The following TOX variants were observed in gnomAD, a reference collection of about 807,000 sequenced individuals.
The protein encoded by TOX is thymocyte selection associated high mobility group box.
Under a neutral mutation model 53.7 loss-of-function variants are expected in TOX, and 11 were observed. That is an observed-to-expected ratio of 0.20 (90% CI 0.13 to 0.34). The LOEUF is 0.34. Ranked by LOEUF, TOX falls within the 10% of genes least tolerant of loss-of-function variation. The probability of loss-of-function intolerance (pLI) is 1.00; values close to 1 mark genes in which losing one functional copy is unlikely to be tolerated. For missense variants in TOX, 570 were observed against 664.6 expected, an observed-to-expected ratio of 0.86 and a Z score of 1.56; for synonymous variants, 225 against 245.3, an observed-to-expected ratio of 0.92 and a Z score of 0.77.
At chr8:58,990,736 G>A (rs147257315) in intron 1 of TOX, among the ~76,000 whole-genome samples, 1 of 152,294 alleles carries the variant, frequency 6.6e-6, no homozygotes, top group African/African-American at 2.4e-5. Flanking sequence ...AGGAATCTCT[G>A]TGCTGGTCAG....
At chr8:58,880,679 T>A (rs371617632) in intron 3 of TOX, among the ~76,000 whole-genome samples, 1 of 151,878 alleles carries the variant, frequency 6.6e-6, no homozygotes, top group South Asian at 2.1e-4. Flanking sequence ...GATGATGAAG[T>A]TGCTCACAGA....
chr8:58,910,601 T>A (rs1357054518), intron 3 of TOX, among the ~76,000 whole-genome samples: 1 of 152,244 alleles, frequency 6.6e-6, no homozygotes, highest in African/African-American at 2.4e-5. Flanking sequence ...ATTTTTTCTT[T>A]CTCTGGAATA....
chr8:58,968,433 A>G (rs1290353374), intron 1 of TOX, among the ~76,000 whole-genome samples: 1 of 152,226 alleles, frequency 6.6e-6, no homozygotes, highest in Non-Finnish European at 1.5e-5. Context: ...GCACAGTTTC[A>G]AATGATTGGT....
chr8:59,046,502 A>G (rs1803683788), intron 1 of TOX, among the ~76,000 whole-genome samples: 2 of 152,216 alleles, frequency 1.3e-5, no homozygotes, highest in Non-Finnish European at 2.9e-5. Flanking sequence ...CAAAGGGTTC[A>G]TAATTTACAA....
intron 3 of TOX, among the ~76,000 whole-genome samples, chr8:58,874,367 G>A (rs1291752754): frequency 6.6e-6 from 1 of 152,048 alleles, no homozygotes; most frequent in Non-Finnish European, 1.5e-5. Flanking sequence ...TTGAGTGTGT[G>A]TGGGTAGACA....
chr8:59,061,010 T>A (rs1447123522), intron 1 of TOX, among the ~76,000 whole-genome samples: 1 of 152,188 alleles, frequency 6.6e-6, no homozygotes, highest in African/African-American at 2.4e-5. Flanking sequence ...CTTGTATCAC[T>A]CCCTACTCAA....
At position 58,838,024 on chromosome 8, in the gene TOX, C is replaced by T; in HGVS notation, c.924+57G>A. On this transcript the variant is annotated intron_variant, in intron 5 of 8. Coordinates refer to ENST00000361421, the MANE Select transcript of TOX (RefSeq NM_014729.3). ...TACCCCAAGCCCTGGGAGGCCATTT[C>T]TTCAGACTGCACAATCTCAGCTTAT... The T allele has an allele frequency of 4.5e-6, 7 of 1,553,608 alleles. 1 individual carries two copies. Among genetic ancestry groups the T allele is most frequent in the South Asian group, 2.3e-5 (2 of 86,964 alleles).
chr8:58,823,638 T>C, intron 6 of TOX, among the ~76,000 whole-genome samples: 1 of 152,234 alleles, frequency 6.6e-6, no homozygotes, highest in South Asian at 2.1e-4. Flanking sequence ...GATCATGTTC[T>C]GTAAGAAGCA....
intron 1 of TOX, among the ~76,000 whole-genome samples, chr8:59,072,583 C>T (rs1804216325): frequency 6.6e-6 from 1 of 152,012 alleles, no homozygotes; most frequent in African/African-American, 2.4e-5. Context: ...TAGTATCTTC[C>T]CCTGAACATA....
intron 1 of TOX, among the ~76,000 whole-genome samples, chr8:59,004,493 T>G (rs1452138296): frequency 6.6e-6 from 1 of 152,226 alleles, no homozygotes; most frequent in East Asian, 1.9e-4. Flanking sequence ...AAATTTACAT[T>G]TAGTAAAGTA....
intron 1 of TOX, among the ~76,000 whole-genome samples, chr8:58,985,519 G>A (rs1048792422): frequency 2.0e-5 from 3 of 152,164 alleles, no homozygotes; most frequent in Non-Finnish European, 2.9e-5. Context: ...GGAATGGGGA[G>A]TCATTGTTTG....
intron 3 of TOX, among the ~76,000 whole-genome samples, chr8:58,887,177 T>C (rs1811482745): frequency 6.6e-6 from 1 of 152,024 alleles, no homozygotes; most frequent in Non-Finnish European, 1.5e-5. Context: ...ATCTTTCTTA[T>C]TCAGGATGGA....
intron 1 of TOX, among the ~76,000 whole-genome samples, chr8:59,040,241 A>G (rs1396164523): frequency 6.9e-6 from 1 of 145,314 alleles, no homozygotes; most frequent in Admixed American, 7.1e-5. Context: ...AGGCAGGAGA[A>G]TGGCGGGAAC....
intron 3 of TOX, among the ~76,000 whole-genome samples, chr8:58,881,458 C>G (rs1396887836): frequency 6.6e-6 from 1 of 152,090 alleles, no homozygotes; most frequent in East Asian, 1.9e-4. Context: ...GGTGCTGTGG[C>G]TCATGCTTGT....
chr8:58,970,712 A>G (rs1454969279), intron 1 of TOX, among the ~76,000 whole-genome samples: 1 of 152,166 alleles, frequency 6.6e-6, no homozygotes, highest in African/African-American at 2.4e-5. Flanking sequence ...AGACCGTCCT[A>G]ACTTACATTT....
chr8:59,067,395 A>G (rs963322495), intron 1 of TOX, among the ~76,000 whole-genome samples: 2 of 151,974 alleles, frequency 1.3e-5, no homozygotes, highest in Non-Finnish European at 2.9e-5. Flanking sequence ...CTCTACTAAA[A>G]ATACAAAAAT....
chr8:58,993,436 A>C (rs151217779), intron 1 of TOX, among the ~76,000 whole-genome samples: 7 of 152,330 alleles, frequency 4.6e-5, no homozygotes, highest in Middle Eastern at 3.4e-3. Context: ...CTGTCAAGTA[A>C]GCACAGGCCG....
chr8:59,008,956 T>G (rs1048383361), intron 1 of TOX, among the ~76,000 whole-genome samples: 4 of 152,322 alleles, frequency 2.6e-5, no homozygotes, highest in African/African-American at 9.6e-5. Flanking sequence ...TCAATAGATA[T>G]GATACTGTAG....
In TOX at chr8:58,844,380, C is replaced by T. The variant is rs555858761; in HGVS notation, c.694-6069G>A. Among the ~76,000 whole-genome samples, 177 of 152,206 alleles carry T rather than the reference C, an allele frequency of 1.2e-3. 3 individuals are homozygous for T. Among genetic ancestry groups the T allele is most frequent in the African/African-American group, 4.1e-3 (171 of 41,528 alleles). ...GCACAGTATTTTGTACTGGACACTG[C>T]TCTAGAGTACATACAGTATTTGTAA... On this transcript the variant is annotated intron_variant, in intron 4 of 8. Transcript: ENST00000361421.
Sources: allele counts gnomAD v4.1 joint callset (sites outside exome capture counted in the v4.1 genomes callset), GRCh38; gene constraint gnomAD v4.1.1; transcripts MANE v1.5; gene names NCBI Gene and HGNC (gene_info 2026-07-23, HGNC 2026-07-21).